Variants in ENTREP2 observed in about 807,000 individuals in gnomAD.
ENTREP2 encodes the protein protein ENTREP2.
chr15:29,546,997 AAAG>A, the ENTREP2 span, among the ~76,000 whole-genome samples: 1 of 151,996 alleles, frequency 6.6e-6, no homozygotes, highest in Non-Finnish European at 1.5e-5. Flanking sequence ...AGAAAGGGAT[AAAG>A]AAGACAGGTA....
At chr15:29,118,816 C>T in the ENTREP2 span, among the ~76,000 whole-genome samples, 1 of 149,246 alleles carries the variant, frequency 6.7e-6, no homozygotes, top group African/African-American at 2.4e-5. Context: ...TACCTTTCTT[C>T]ATGGCCACCG....
At chr15:29,396,868 T>G in the ENTREP2 span, among the ~76,000 whole-genome samples, 1 of 152,328 alleles carries the variant, frequency 6.6e-6, no homozygotes, top group Non-Finnish European at 1.5e-5. Context: ...TTTATATAAT[T>G]CAGTTATACA....
chr15:29,547,064 A>G, the ENTREP2 span, among the ~76,000 whole-genome samples: 1 of 150,066 alleles, frequency 6.7e-6, no homozygotes, highest in Non-Finnish European at 1.5e-5. Flanking sequence ...AAACAGAACA[A>G]CCACTGAAAA....
At chr15:29,248,053 A>C in the ENTREP2 span, among the ~76,000 whole-genome samples, 1 of 152,148 alleles carries the variant, frequency 6.6e-6, no homozygotes, top group African/African-American at 2.4e-5. Context: ...CTCACAATAA[A>C]TGGCCCGTGG....
chr15:29,533,824 G>GA, the ENTREP2 span, among the ~76,000 whole-genome samples: 1 of 152,038 alleles, frequency 6.6e-6, no homozygotes, highest in East Asian at 1.9e-4. Context: ...CACTCTCTTG[G>GA]AAAGGAAGAA....
the ENTREP2 span, among the ~76,000 whole-genome samples, chr15:29,527,002 A>T: frequency 6.6e-6 from 1 of 151,992 alleles, no homozygotes; most frequent in Non-Finnish European, 1.5e-5. Flanking sequence ...GTTGTCACCA[A>T]CCCATTTGGC....
the ENTREP2 span, among the ~76,000 whole-genome samples, chr15:29,430,333 G>GT: frequency 6.6e-6 from 1 of 152,128 alleles, no homozygotes; most frequent in Non-Finnish European, 1.5e-5. Flanking sequence ...TCTTAAACAT[G>GT]TATCTCTGTA....
chr15:29,351,074 C>T, the ENTREP2 span, among the ~76,000 whole-genome samples: 1 of 152,182 alleles, frequency 6.6e-6, no homozygotes, highest in Non-Finnish European at 1.5e-5. Context: ...CTGAGCAATG[C>T]AAATGGTAAC....
the ENTREP2 span, among the ~76,000 whole-genome samples, chr15:29,276,176 G>A: frequency 6.6e-6 from 1 of 152,176 alleles, no homozygotes; most frequent in South Asian, 2.1e-4. Context: ...GTGGAGAGGT[G>A]AGCCTTGACA....
chr15:29,161,992 C>T, the ENTREP2 span, among the ~76,000 whole-genome samples: 2 of 152,144 alleles, frequency 1.3e-5, no homozygotes, highest in Non-Finnish European at 2.9e-5. Context: ...TGTGAGTGCC[C>T]AAACTGCGGA....
At chr15:29,195,063 T>A in the ENTREP2 span, 87 of 950,662 alleles carry the variant, frequency 9.2e-5, no homozygotes, top group African/African-American at 1.4e-3. Flanking sequence ...GGCTCCAGGA[T>A]GCAGTGAGGT....
chr15:29,259,878 C>T, the ENTREP2 span, among the ~76,000 whole-genome samples: 1 of 151,740 alleles, frequency 6.6e-6, no homozygotes, highest in South Asian at 2.1e-4. Context: ...AGCCCAGAAA[C>T]CTCTGTACAA....
chr15:29,496,035 A>G, the ENTREP2 span, among the ~76,000 whole-genome samples: 3 of 152,146 alleles, frequency 2.0e-5, no homozygotes, highest in African/African-American at 7.2e-5. Flanking sequence ...ATTCTGATCC[A>G]TGAACATGGG....
chr15:29,141,076 G>T, the ENTREP2 span, among the ~76,000 whole-genome samples: 1 of 152,198 alleles, frequency 6.6e-6, no homozygotes, highest in East Asian at 1.9e-4. Context: ...TTCTCAGGTG[G>T]GTGCACGTGG....
At chr15:29,410,787 T>G in the ENTREP2 span, among the ~76,000 whole-genome samples, 1 of 152,150 alleles carries the variant, frequency 6.6e-6, no homozygotes, top group African/African-American at 2.4e-5. Context: ...ACCACAGAAC[T>G]TATTTTGTTT....
chr15:29,166,047 A>G, the ENTREP2 span, among the ~76,000 whole-genome samples: 1 of 152,252 alleles, frequency 6.6e-6, no homozygotes, highest in South Asian at 2.1e-4. Flanking sequence ...GACACATCAC[A>G]TAAACAGAAT....
At chr15:29,235,684 G>C in the ENTREP2 span, among the ~76,000 whole-genome samples, 1 of 152,172 alleles carries the variant, frequency 6.6e-6, no homozygotes, top group Non-Finnish European at 1.5e-5. Flanking sequence ...AAAGAAGAGC[G>C]GCTGGGCGTG....
chr15:29,123,165 A>C, the ENTREP2 span: 2 of 639,902 alleles, frequency 3.1e-6, no homozygotes, highest in South Asian at 2.6e-5. Context: ...GCTCCCCTCG[A>C]GAGAGGGGGT....
chr15:29,277,830 A>C, the ENTREP2 span, among the ~76,000 whole-genome samples: 1 of 152,244 alleles, frequency 6.6e-6, no homozygotes, highest in East Asian at 1.9e-4. Context: ...ACTACGCTTT[A>C]GCCTAAAGTA....
Sources: allele counts gnomAD v4.1 joint callset (sites outside exome capture counted in the v4.1 genomes callset), GRCh38; gene constraint gnomAD v4.1.1; transcripts MANE v1.5; gene names NCBI Gene and HGNC (gene_info 2026-07-23, HGNC 2026-07-21).